C2: variants seen among roughly 807,000 people sequenced by gnomAD.
C2 encodes C3/C5 convertase.
A neutral mutation model predicts 85.2 loss-of-function variants in C2; 64 were observed. That is an observed-to-expected ratio of 0.75 (90% CI 0.61 to 0.92). The LOEUF (loss-of-function observed/expected upper bound fraction) is 0.92, where lower values mean the gene tolerates loss of function less well. Among genes scored for constraint, C2 ranks in the 40% least tolerant of loss-of-function variants. The probability of loss-of-function intolerance (pLI) is 0.00; values close to 1 mark genes in which losing one functional copy is unlikely to be tolerated. For missense variants in C2, 820 were observed against 971.6 expected (o/e 0.84, Z 2.07); for synonymous variants, 311 against 370.8 (o/e 0.84, Z 1.85).
At chr6:31,934,025 G>A (rs1770184345) in intron 5 of C2, 60 bp downstream of exon 5, 1 of 1,563,418 alleles carries the variant, frequency 6.4e-7, no homozygotes, top group Admixed American at 1.7e-5. Flanking sequence ...CCGGAGCAAG[G>A]GAGGATGCAA....
upstream of C2, among the ~76,000 whole-genome samples, chr6:31,916,376 C>T (rs149619547): frequency 9.9e-5 from 15 of 151,764 alleles, no homozygotes; most frequent in South Asian, 2.1e-4. Context: ...CTGGCCAACA[C>T]GACGAAACCC....
At chr6:31,907,225 G>A (rs1408452001) in intron 1 of C2, among the ~76,000 whole-genome samples, 1 of 151,662 alleles carries the variant, frequency 6.6e-6, no homozygotes, top group Non-Finnish European at 1.5e-5. Context: ...AATTCAAAAT[G>A]TAGTTTTGTT....
intron 8 of C2, among the ~76,000 whole-genome samples, chr6:31,938,946 C>T (rs776670948): frequency 6.6e-6 from 1 of 152,086 alleles, no homozygotes; most frequent in Non-Finnish European, 1.5e-5. Context: ...AGCCACCATG[C>T]CCGGCCACAC....
intron 1 of C2, among the ~76,000 whole-genome samples, chr6:31,905,980 G>C (rs1383581595): frequency 6.6e-6 from 1 of 152,006 alleles, no homozygotes; most frequent in South Asian, 2.1e-4. Flanking sequence ...TAGGCTGTGG[G>C]CTTACTTTTT....
intron 3 of C2, among the ~76,000 whole-genome samples, chr6:31,932,824 T>C (rs540725086): frequency 5.3e-4 from 81 of 152,336 alleles, no homozygotes; most frequent in African/African-American, 1.8e-3. Flanking sequence ...AGCCTGGGCA[T>C]CATTGAGCAC....
intron 3 of C2, chr6:31,932,447 C>T (rs1348975219): frequency 1.0e-5 from 3 of 292,134 alleles, no homozygotes; most frequent in Non-Finnish European, 2.1e-5. Flanking sequence ...GACGGGGCGG[C>T]CGGGCAGAGA....
chr6:31,935,462 TTTA>T lies in C2; in HGVS notation c.850-437_850-435del, dbSNP rs757946700. 0.074 allele frequency: 11,405 copies of T among 153,994 alleles called. 473 individuals carry two copies. The highest frequency in any genetic ancestry group is 0.11 in the African/African-American group (4,643 of 41,048). The allele number at this position is 153,994 out of a possible 1,614,324, so 9.5% of individuals were successfully genotyped here. A position where few individuals can be genotyped will look rare whatever the true frequency, so the allele number is the denominator to read the frequency against. ...TCCTTAGCTGCTGCTGTTCCTTATT[TTTA>T]TTATTATTATTATTATTATTATTTT... On this transcript the variant is annotated intron_variant, in intron 6 of 17. Transcript: ENST00000299367. The surrounding 1 kb of genome is among the most constrained non-coding windows in gnomAD (Gnocchi z 4.3).
chr6:31,901,733 C>CT (rs1767298998), intron 1 of C2: 1 of 198,960 alleles, frequency 5.0e-6, no homozygotes, highest in African/African-American at 2.4e-5. Flanking sequence ...TTTTCACGTC[C>CT]TCCCCCCCGC....
rs947219203 is a variant in C2, at chr6:31,935,595, G to T, written c.850-328G>T. ...AGTGATTCTTCTGCCTCAGCCTCCTGAGTAGCTGGGATTATAGGTGCTTGC... is the reference window on the plus strand; with the variant it reads ...AGTGATTCTTCTGCCTCAGCCTCCTTAGTAGCTGGGATTATAGGTGCTTGC... On this transcript the variant is annotated intron_variant, in intron 6 of 17. Coordinates refer to ENST00000299367, the MANE Select transcript of C2 (RefSeq NM_000063.6). The surrounding 1 kb of genome is among the most constrained non-coding windows in gnomAD (Gnocchi z 4.3). Among the ~76,000 whole-genome samples the T allele has an allele frequency of 2.0e-5, 3 of 151,984 alleles. No individual in the cohort carries two copies. Among genetic ancestry groups the T allele is most frequent in the Non-Finnish European group, 4.4e-5 (3 of 67,980 alleles).
upstream of C2, chr6:31,900,260 A>G (rs1767097625): frequency 1.2e-6 from 2 of 1,613,734 alleles, no homozygotes; most frequent in Non-Finnish European, 1.7e-6. This position sits in a 1 kb window ranked among gnomAD's most constrained non-coding sequence, Gnocchi z 9.7. Flanking sequence ...CATGTGGAAG[A>G]CCAGCTTCTC....
At chr6:31,931,122 G>A (rs549473349) in intron 3 of C2, among the ~76,000 whole-genome samples, 1 of 152,274 alleles carries the variant, frequency 6.6e-6, no homozygotes, top group African/African-American at 2.4e-5. Context: ...ATGCTGTTGT[G>A]TGTATCAGTA....
At chr6:31,924,642 A>G (rs890720246), upstream of C2, among the ~76,000 whole-genome samples, 4 of 152,214 alleles carry the variant, frequency 2.6e-5, no homozygotes, top group Non-Finnish European at 4.4e-5. Context: ...AAACTCATGA[A>G]AGAAAGGCCC....
chr6:31,918,969 C>T (rs1327949153), upstream of C2, among the ~76,000 whole-genome samples: 1 of 151,420 alleles, frequency 6.6e-6, no homozygotes, highest in Non-Finnish European at 1.5e-5. Context: ...TGAACCGAGA[C>T]CGTCTATGAA....
chr6:31,928,105 G>A lies in C2; in HGVS notation c.197G>A (p.Ser66Asn). ...YPSPASRLCKSSGQWQTPGAT... is the reference protein window; with the variant it reads ...YPSPASRLCKNSGQWQTPGAT... ...TCCCCAGCATCACGGCTGTGCAAGA[G>A]CAGCGGACAGTGGCAGACCCCAGGA... Residue 66 changes from serine (S) to asparagine (N), a missense_variant, in exon 2 of 18, where the codon AGC becomes AAC. Ser to Asn is a conservative substitution (Grantham distance 46). Coordinates refer to ENST00000299367, the MANE Select transcript of C2 (RefSeq NM_000063.6). The A allele has an allele frequency of 1.9e-6, 3 of 1,613,920 alleles. No homozygotes were observed. Among genetic ancestry groups the A allele is most frequent in the Middle Eastern group, 1.6e-4 (1 of 6,062 alleles).
In C2 at chr6:31,934,279, G is replaced by A. The variant is rs771207793; in HGVS notation, c.829G>A (p.Ala277Thr). The change falls in exon 6 of 18, where the codon GCC (alanine) becomes ACC (threonine). Residue 277 changes from alanine (A) to threonine (T), a missense_variant. Physicochemically the swap from Ala to Thr is moderately conservative, Grantham distance 58. Transcript: ENST00000299367. ...TGACTTTCTCATCTTCAAGGAGAGC[G>A]CCTCCCTCATGGTGGACAGGGTCAG... ...ENDFLIFKES[A>T]SLMVDRIFSF... is the part of the protein sequence containing the mutation. The A allele has an allele frequency of 1.9e-5, 31 of 1,613,824 alleles. No homozygotes were observed. The highest frequency in any genetic ancestry group is 3.3e-4 in the Middle Eastern group (2 of 6,084).
Position 31,933,710 on chromosome 6 carries a change from T to G in C2, c.543T>G (p.Leu181=). 1.2e-6 allele frequency: 2 copies of G among 1,613,342 alleles called. No homozygotes were observed. Among genetic ancestry groups the G allele is most frequent in the Middle Eastern group, 1.6e-4 (1 of 6,062 alleles). Residue 181 remains leucine, a synonymous_variant, in exon 4 of 18, where the codon CTT becomes CTG. Transcript: ENST00000299367. ...TCCGCTATCGCTGCTCCTCGAATCTTGTGCTCACGGGGTCTTCGGAGCGGG... is the reference window on the plus strand; with the variant it reads ...TCCGCTATCGCTGCTCCTCGAATCTGGTGCTCACGGGGTCTTCGGAGCGGG... ...DKVRYRCSSN[L]VLTGSSEREC... is the part of the protein sequence containing the mutation.
At chr6:31,923,740 C>T (rs188062749), upstream of C2, among the ~76,000 whole-genome samples, 182 of 151,846 alleles carry the variant, frequency 1.2e-3, no homozygotes, top group South Asian at 2.9e-3. Context: ...CCGCCCGCCT[C>T]GGCCTCCCAA....
At chr6:31,899,872 C>A, upstream of C2, 2 of 1,505,550 alleles carry the variant, frequency 1.3e-6, no homozygotes, top group East Asian at 2.3e-5. Flanking sequence ...GCCAAAGAGC[C>A]CTTTTTCCAC....
chr6:31,922,443 A>G lies in C2; in HGVS notation c.-100+2417A>G, dbSNP rs1365901925. ...CACTAGAGTGGGGTCGGCCTCTGCT[A>G]TATGCCACGTTTCCTCAGAAATTTT... On this transcript the variant is annotated intron_variant, in intron 1 of 3. Transcript: ENST00000413154. This position sits in a 1 kb window ranked among gnomAD's most constrained non-coding sequence, Gnocchi z 4.8. Among the ~76,000 whole-genome samples, 1 of 152,168 alleles carries G rather than the reference A, an allele frequency of 6.6e-6. No individual in the cohort carries two copies. The highest frequency in any genetic ancestry group is 1.5e-5 in the Non-Finnish European group (1 of 68,028).
Sources: allele counts gnomAD v4.1 joint callset (sites outside exome capture counted in the v4.1 genomes callset), GRCh38; gene constraint gnomAD v4.1.1; non-coding constraint Gnocchi (gnomAD v3.1); transcripts MANE v1.5; gene names NCBI Gene and HGNC (gene_info 2026-07-23, HGNC 2026-07-21).